PDE4D: variants seen among roughly 807,000 people sequenced by gnomAD.
The protein encoded by PDE4D is 3',5'-cyclic-AMP phosphodiesterase 4D.
PDE4D carries 24 observed loss-of-function variants against 87.4 expected under a neutral mutation model. The ratio of observed to expected loss-of-function variants is 0.27; its 90% confidence interval spans 0.20 to 0.39. The LOEUF (loss-of-function observed/expected upper bound fraction) is 0.39. Among genes scored for constraint, PDE4D ranks in the 10% least tolerant of loss-of-function variants. PDE4D has a pLI of 1.00. For missense variants in PDE4D, 714 were observed against 1,041.0 expected (o/e 0.69, Z 4.32); for synonymous variants, 384 against 383.2 (o/e 1.00, Z -0.02).
chr5:59,893,564 C>G lies in PDE4D; in HGVS notation c.59G>C (p.Ser20Thr), dbSNP rs1427632092. 41 of 1,533,708 alleles carry G rather than the reference C, an allele frequency of 2.7e-5. No homozygotes were observed. Among genetic ancestry groups the G allele is most frequent in the Non-Finnish European group, 4.4e-6 (5 of 1,140,228 alleles). Reference sequence around the variant, plus strand: ...GGCTTTGAGCGTGGCCCCGCCGGCGCTGTCGCTGCCCTCTCCGCTGCCCGC... The same window carrying G: ...GGCTTTGAGCGTGGCCCCGCCGGCGGTGTCGCTGCCCTCTCCGCTGCCCGC... The part of the protein sequence containing the change: ...ARAGSGEGSD[S>T]AGGATLKAPK... The change falls in exon 1 of 15, where the codon AGC (serine) becomes ACC (threonine). Residue 20 changes from serine (S) to threonine (T), a missense_variant. By Grantham distance (58) the Ser-to-Thr change is moderately conservative. Around this residue, in one of 7 missense-constraint regions of PDE4D, gnomAD observed 268 missense variants for 272.9 expected, o/e 0.98. Transcript: ENST00000340635.
chr5:59,028,008 T>A (rs1217222063), intron 6 of PDE4D, among the ~76,000 whole-genome samples: 6 of 152,076 alleles, frequency 3.9e-5, no homozygotes, highest in African/African-American at 1.2e-4. Context: ...TAAATATTAA[T>A]AAGATATTGT....
Position 59,993,445 on chromosome 5 carries a change from G to A in PDE4D, c.43-4728C>T, listed in dbSNP as rs560608405. 3.9e-5 allele frequency among the ~76,000 whole-genome samples: 6 copies of A among 152,236 alleles called. No individual in the cohort carries two copies. The South Asian group carries it at 1.2e-3, about 32-fold the overall frequency. On this transcript the variant is annotated intron_variant, in intron 2 of 16. Transcript: ENST00000502484. ...ACATCATATGATGAAATACTATGAG[G>A]CTGTTAAAATAATGTAGAAGAATAC... is the stretch of plus-strand genomic sequence containing the variant.
At chr5:59,908,725 G>A (rs571614905) in intron 3 of PDE4D, among the ~76,000 whole-genome samples, 1 of 152,138 alleles carries the variant, frequency 6.6e-6, no homozygotes, top group African/African-American at 2.4e-5. Flanking sequence ...CCCTAGAGTT[G>A]GTCTCTCAGC....
At chr5:60,442,054 C>A (rs1412204536) in intron 1 of PDE4D, among the ~76,000 whole-genome samples, 2 of 151,992 alleles carry the variant, frequency 1.3e-5, no homozygotes, top group South Asian at 2.1e-4. Flanking sequence ...GATCTAGAAC[C>A]AGATACACCA....
chr5:60,053,927 A>G (rs2152881884), intron 2 of PDE4D, among the ~76,000 whole-genome samples: 1 of 152,320 alleles, frequency 6.6e-6, no homozygotes, highest in Non-Finnish European at 1.5e-5. Flanking sequence ...CAACAAACAT[A>G]TAAACAAAGC....
chr5:59,839,792 C>T (rs1742697949), intron 1 of PDE4D, among the ~76,000 whole-genome samples: 1 of 152,004 alleles, frequency 6.6e-6, no homozygotes, highest in Admixed American at 6.6e-5. Context: ...GTGGGGATAG[C>T]ATGGCTTCCA....
chr5:59,693,533 A>C (rs577462928), intron 1 of PDE4D, among the ~76,000 whole-genome samples: 1 of 152,314 alleles, frequency 6.6e-6, no homozygotes, highest in African/African-American at 2.4e-5. Flanking sequence ...TTTTAGTGAA[A>C]CAAATGGAAC....
chr5:59,394,742 T>C (rs543531849), intron 1 of PDE4D, among the ~76,000 whole-genome samples: 1 of 152,278 alleles, frequency 6.6e-6, no homozygotes, highest in South Asian at 2.1e-4. Context: ...GATGGCCGAA[T>C]AGGAACAGCT....
chr5:60,466,271 T>C (rs1406361514), intron 1 of PDE4D, among the ~76,000 whole-genome samples: 3 of 152,154 alleles, frequency 2.0e-5, no homozygotes, highest in African/African-American at 7.2e-5. Context: ...TTCCACAAAT[T>C]GGCTGCTTGT....
At chr5:59,224,079 A>C (rs1414750846) in intron 1 of PDE4D, among the ~76,000 whole-genome samples, 1 of 140,000 alleles carries the variant, frequency 7.1e-6, no homozygotes, top group African/African-American at 2.7e-5. Flanking sequence ...TGAGCTCAGG[A>C]GTTCAAGACC....
At chr5:60,222,218 A>G (rs1744578434) in intron 1 of PDE4D, among the ~76,000 whole-genome samples, 1 of 152,050 alleles carries the variant, frequency 6.6e-6, no homozygotes, top group Non-Finnish European at 1.5e-5. Context: ...GCAGCAGTAT[A>G]TGGGATCCAC....
At chr5:60,388,153 T>A (rs1299569498) in intron 1 of PDE4D, among the ~76,000 whole-genome samples, 1 of 152,158 alleles carries the variant, frequency 6.6e-6, no homozygotes, top group Non-Finnish European at 1.5e-5. Flanking sequence ...CGTGTTCAGC[T>A]ATCTGGAAGC....
At chr5:59,971,363 A>AAAATAAAT (rs371424891) in intron 3 of PDE4D, among the ~76,000 whole-genome samples, 1,633 of 145,962 alleles carry the variant, frequency 0.011, 19 homozygotes, top group African/African-American at 0.016. Context: ...ATAATAATAA[A>AAAATAAAT]AAATAAATAA....
chr5:60,187,286 A>G (rs1225073854), intron 1 of PDE4D, among the ~76,000 whole-genome samples: 1 of 152,168 alleles, frequency 6.6e-6, no homozygotes, highest in African/African-American at 2.4e-5. Context: ...GAATTGAATC[A>G]CCTTTACAAA....
intron 1 of PDE4D, among the ~76,000 whole-genome samples, chr5:59,419,421 G>T (rs1351017177): frequency 6.6e-6 from 1 of 152,164 alleles, no homozygotes; most frequent in East Asian, 1.9e-4. Flanking sequence ...TGAATTAAAT[G>T]AATGAATGAA....
At chr5:59,624,786 T>C (rs1830707766) in intron 1 of PDE4D, among the ~76,000 whole-genome samples, 2 of 152,260 alleles carry the variant, frequency 1.3e-5, no homozygotes, top group Admixed American at 6.5e-5. Flanking sequence ...TTTCTGCCTC[T>C]ATCAATTCTG....
At chr5:59,143,923 G>T (rs937249408) in intron 5 of PDE4D, among the ~76,000 whole-genome samples, 1 of 152,196 alleles carries the variant, frequency 6.6e-6, no homozygotes, top group Non-Finnish European at 1.5e-5. Flanking sequence ...GTTGATGTTG[G>T]TTCACTGCTT....
At chr5:60,433,063 A>C (rs2150119041) in intron 1 of PDE4D, among the ~76,000 whole-genome samples, 1 of 152,354 alleles carries the variant, frequency 6.6e-6, no homozygotes, top group Non-Finnish European at 1.5e-5. Flanking sequence ...TTGCAACAAA[A>C]ACAAAAATTG....
At chr5:59,732,007 C>T (rs1757425780) in intron 1 of PDE4D, among the ~76,000 whole-genome samples, 4 of 152,142 alleles carry the variant, frequency 2.6e-5, no homozygotes, top group Admixed American at 2.6e-4. Context: ...CAATCATTGC[C>T]ACTGCAAATG....
Sources: allele counts gnomAD v4.1 joint callset (sites outside exome capture counted in the v4.1 genomes callset), GRCh38; gene constraint gnomAD v4.1.1; regional missense constraint gnomAD v4.1.1; transcripts MANE v1.5; gene names NCBI Gene and HGNC (gene_info 2026-07-23, HGNC 2026-07-21).